CREB5: variants seen among roughly 807,000 people sequenced by gnomAD.
CREB5 encodes the protein cAMP responsive element binding protein 5.
In CREB5, 19 loss-of-function variants were observed where a neutral mutation model predicts 57.1. That is an observed-to-expected ratio of 0.33 (90% confidence interval 0.23 to 0.49). The LOEUF (loss-of-function observed/expected upper bound fraction) is 0.49, where lower values mean the gene tolerates loss of function less well. Among genes scored for constraint, CREB5 ranks in the 20% least tolerant of loss-of-function variants. The pLI is 0.99. For synonymous variants in CREB5, 238 were observed against 238.3 expected, an observed-to-expected ratio of 1.00 and a Z score of 0.01; for missense variants, 579 against 671.6, an observed-to-expected ratio of 0.86 and a Z score of 1.52.
At chr7:28,361,416 G>A (rs1330982458) in intron 1 of CREB5, among the ~76,000 whole-genome samples, 1 of 152,090 alleles carries the variant, frequency 6.6e-6, no homozygotes, top group African/African-American at 2.4e-5. Flanking sequence ...TGAGGCCTTG[G>A]TGGCAACATA....
At chr7:28,636,425 A>C (rs1173170267) in intron 5 of CREB5, among the ~76,000 whole-genome samples, 5 of 152,146 alleles carry the variant, frequency 3.3e-5, no homozygotes, top group Non-Finnish European at 7.4e-5. Context: ...TCCTTCTCCA[A>C]ATCTACCCCT....
At chr7:28,410,575 AC>A (rs1231688363), upstream of CREB5, 1 of 455,360 alleles carries the variant, frequency 2.2e-6, no homozygotes, top group South Asian at 1.6e-5. Context: ...CCACACTCTC[AC>A]CCCCATCCCC....
intron 5 of CREB5, among the ~76,000 whole-genome samples, chr7:28,574,117 G>C (rs918038149): frequency 6.6e-6 from 1 of 152,256 alleles, no homozygotes; most frequent in Non-Finnish European, 1.5e-5. Context: ...GCCGGGAAGA[G>C]TGTCTTTGGC....
At chr7:28,303,080 T>G (rs1389851287) in intron 1 of CREB5, among the ~76,000 whole-genome samples, 1 of 148,784 alleles carries the variant, frequency 6.7e-6, no homozygotes, top group Admixed American at 6.8e-5. Flanking sequence ...AGGCAGAGGT[T>G]GCGGTGAGCC....
intron 5 of CREB5, among the ~76,000 whole-genome samples, chr7:28,619,437 C>G (rs1358113253): frequency 6.6e-6 from 1 of 152,166 alleles, no homozygotes; most frequent in East Asian, 1.9e-4. Flanking sequence ...CTAGAGTGGA[C>G]TTTGAGAGCG....
At chr7:28,379,227 A>G (rs1786908136) in intron 1 of CREB5, among the ~76,000 whole-genome samples, 1 of 152,220 alleles carries the variant, frequency 6.6e-6, no homozygotes, top group Non-Finnish European at 1.5e-5. Flanking sequence ...ATGCTGAGTA[A>G]TGATGCATTA....
At chr7:28,309,058 G>A (rs765805347) in intron 1 of CREB5, among the ~76,000 whole-genome samples, 19 of 152,218 alleles carry the variant, frequency 1.2e-4, no homozygotes, top group East Asian at 3.9e-4. Flanking sequence ...GACTCAAACC[G>A]GAATATTAGC....
At chr7:28,596,188 C>T (rs1468652919) in intron 5 of CREB5, among the ~76,000 whole-genome samples, 1 of 152,164 alleles carries the variant, frequency 6.6e-6, no homozygotes, top group Non-Finnish European at 1.5e-5. Context: ...GATAAGTGAG[C>T]AGTCCCCTAA....
chr7:28,522,521 A>G (rs216710), intron 4 of CREB5, among the ~76,000 whole-genome samples: 122,792 of 151,608 alleles, frequency 0.81, 49,823 homozygotes, highest in East Asian at 0.85. Context: ...TCAGCCTCCC[A>G]AGTAGCTGGG....
At position 28,481,361 on chromosome 7, in the gene CREB5, T is replaced by G. The variant is rs182076400; in HGVS notation, c.4-6814T>G. ...GAAGAACAGGGATATTCTTCTGGTT[T>G]GAACAGAATAGTAATATTTAACCGC... On this transcript the variant is annotated intron_variant, in intron 1 of 10. Transcript: ENST00000357727. Among the ~76,000 whole-genome samples, 228 of 152,312 alleles carry G rather than the reference T, an allele frequency of 1.5e-3. 1 individual carries two copies. Among genetic ancestry groups the G allele is most frequent in the Middle Eastern group, 3.4e-3 (1 of 294 alleles).
At chr7:28,627,838 G>C (rs1388065490) in intron 5 of CREB5, among the ~76,000 whole-genome samples, 31 of 152,040 alleles carry the variant, frequency 2.0e-4, no homozygotes, top group Non-Finnish European at 2.1e-4. Flanking sequence ...CTGTTGTACT[G>C]AGTGTTCAGT....
In CREB5 at chr7:28,457,129, C is replaced by G. The variant is rs188759629; in HGVS notation, c.4-31046C>G. On this transcript the variant is annotated intron_variant, in intron 1 of 10. Transcript: ENST00000357727. ...GTATTCTCTTATTAGGAGCCCACTC[C>G]CACGACCACTAACCCACTTCTTGTG... 1.2e-3 allele frequency among the ~76,000 whole-genome samples: 181 copies of G among 152,242 alleles called. 1 individual carries two copies. Among genetic ancestry groups the G allele is most frequent in the Admixed American group, 2.4e-3 (37 of 15,304 alleles).
At chr7:28,645,040 T>C (rs1040370545) in intron 5 of CREB5, among the ~76,000 whole-genome samples, 1 of 152,150 alleles carries the variant, frequency 6.6e-6, no homozygotes, top group Admixed American at 6.5e-5. Context: ...GTTGTCAAGA[T>C]AGGAATGTCC....
At chr7:28,623,042 C>T (rs935344988) in intron 5 of CREB5, among the ~76,000 whole-genome samples, 1 of 152,014 alleles carries the variant, frequency 6.6e-6, no homozygotes, top group African/African-American at 2.4e-5. Flanking sequence ...ACCACCATGC[C>T]CGGCTAATTT....
intron 5 of CREB5, among the ~76,000 whole-genome samples, chr7:28,585,431 T>A (rs1374331536): frequency 6.6e-6 from 1 of 152,180 alleles, no homozygotes; most frequent in Non-Finnish European, 1.5e-5. Context: ...ACTGAGAAAT[T>A]TCTTTTAGGT....
intron 5 of CREB5, among the ~76,000 whole-genome samples, chr7:28,684,193 G>A (rs1254714410): frequency 6.6e-6 from 1 of 152,184 alleles, no homozygotes; most frequent in African/African-American, 2.4e-5. Flanking sequence ...ATCAATGTCT[G>A]CTTGGCAAGT....
chr7:28,796,471 A>T (rs1479513613), intron 7 of CREB5, among the ~76,000 whole-genome samples: 1 of 151,894 alleles, frequency 6.6e-6, no homozygotes, highest in Non-Finnish European at 1.5e-5. Flanking sequence ...CCACAAAACA[A>T]CTCTACTCAG....
At chr7:28,501,793 T>C (rs1233124295) in intron 3 of CREB5, among the ~76,000 whole-genome samples, 1 of 152,210 alleles carries the variant, frequency 6.6e-6, no homozygotes, top group Non-Finnish European at 1.5e-5. Flanking sequence ...TAGCTCATGG[T>C]TGATCGTGAG....
At chr7:28,351,497 T>C (rs1786184357) in intron 1 of CREB5, among the ~76,000 whole-genome samples, 1 of 152,190 alleles carries the variant, frequency 6.6e-6, no homozygotes, top group Admixed American at 6.5e-5. Context: ...AACTCTGAGA[T>C]TTTCCTTTCC....
Sources: allele counts gnomAD v4.1 joint callset (sites outside exome capture counted in the v4.1 genomes callset), GRCh38; gene constraint gnomAD v4.1.1; transcripts MANE v1.5; gene names NCBI Gene and HGNC (gene_info 2026-07-23, HGNC 2026-07-21).